CAPZB: variants seen among roughly 807,000 people sequenced by gnomAD.
CAPZB encodes the protein capping actin protein of muscle Z-line subunit beta, also known as F-actin-capping protein subunit beta.
A neutral mutation model predicts 38.1 loss-of-function variants in CAPZB; 2 were observed. The observed-to-expected ratio is 0.05, with a 90% CI of 0.02 to 0.17. The LOEUF (loss-of-function observed/expected upper bound fraction) is 0.17. CAPZB is among the 10% of genes least tolerant of loss of function. The pLI is 1.00. For missense variants in CAPZB, 161 were observed against 334.2 expected, an observed-to-expected ratio of 0.48 and a Z score of 4.04; for synonymous variants, 107 against 127.4, an observed-to-expected ratio of 0.84 and a Z score of 1.08.
intron 2 of CAPZB, among the ~76,000 whole-genome samples, chr1:19,401,179 C>T (rs1382046985): frequency 6.6e-6 from 1 of 151,360 alleles, no homozygotes; most frequent in African/African-American, 2.4e-5. Flanking sequence ...CTTAAATTTC[C>T]TACACATAGG....
intron 6 of CAPZB, among the ~76,000 whole-genome samples, chr1:19,349,948 A>G (rs1246156183): frequency 6.6e-6 from 1 of 152,220 alleles, no homozygotes; most frequent in East Asian, 1.9e-4. Flanking sequence ...CACTGCATAT[A>G]TTATTACATC....
chr1:19,472,176 G>A (rs758348713), intron 1 of CAPZB, among the ~76,000 whole-genome samples: 29 of 152,298 alleles, frequency 1.9e-4, no homozygotes, highest in Non-Finnish European at 3.5e-4. Flanking sequence ...AAGAAAATGC[G>A]AGGCCTGTTT....
chr1:19,472,203 A>C (rs922277452), intron 1 of CAPZB, among the ~76,000 whole-genome samples: 9 of 152,244 alleles, frequency 5.9e-5, no homozygotes, highest in Non-Finnish European at 1.2e-4. Context: ...AATATTACCT[A>C]GTGCAAAGTA....
chr1:19,442,113 C>G, intron 1 of CAPZB, among the ~76,000 whole-genome samples: 1 of 147,182 alleles, frequency 6.8e-6, no homozygotes, highest in Non-Finnish European at 1.5e-5. Context: ...CATCTTTAAA[C>G]CCTGTTTGTG....
intron 1 of CAPZB, among the ~76,000 whole-genome samples, chr1:19,461,847 A>G (rs1389814888): frequency 1.3e-5 from 2 of 152,238 alleles, no homozygotes; most frequent in African/African-American, 2.4e-5. Flanking sequence ...AACTAGGATA[A>G]TAACACCTAG....
intron 1 of CAPZB, among the ~76,000 whole-genome samples, chr1:19,475,560 G>A (rs908526747): frequency 2.0e-5 from 3 of 152,210 alleles, no homozygotes; most frequent in East Asian, 3.9e-4. Flanking sequence ...GCCCCATCTC[G>A]GGGGCAGACC....
chr1:19,453,216 G>A (rs1044428916), intron 1 of CAPZB, among the ~76,000 whole-genome samples: 1 of 151,958 alleles, frequency 6.6e-6, no homozygotes, highest in South Asian at 2.1e-4. Flanking sequence ...CGGTGTCACC[G>A]GGCCCCTGTG....
At chr1:19,451,908 G>C (rs148489712) in intron 1 of CAPZB, among the ~76,000 whole-genome samples, 1 of 152,052 alleles carries the variant, frequency 6.6e-6, no homozygotes, top group Admixed American at 6.5e-5. Flanking sequence ...ATAATGCTAT[G>C]AAGCAATTTT....
chr1:19,442,988 A>G (rs1002681239), intron 1 of CAPZB, among the ~76,000 whole-genome samples: 46 of 152,298 alleles, frequency 3.0e-4, no homozygotes, highest in African/African-American at 1.1e-3. Flanking sequence ...GAACACGTAG[A>G]TGTCTATCAC....
Position 19,431,249 on chromosome 1 carries a change from T to C in CAPZB, c.4-11499A>G, listed in dbSNP as rs988864885. ...CGAAGACATGAGGCTCCAACGAGCA[T>C]ATCAGACTTTCGGATTAGGAATGGT... On this transcript the variant is annotated intron_variant, in intron 1 of 8. Coordinates refer to ENST00000264202, the MANE Select transcript of CAPZB (RefSeq NM_004930.5). Among the ~76,000 whole-genome samples the C allele has an allele frequency of 1.3e-4, 20 of 152,334 alleles. No homozygotes were observed. The Middle Eastern group carries it at 0.01, about 78-fold the overall frequency.
intron 8 of CAPZB, chr1:19,342,777 G>A (rs1450915095): frequency 2.5e-6 from 4 of 1,611,450 alleles, no homozygotes; most frequent in South Asian, 1.1e-5. Flanking sequence ...TATCAGGCTG[G>A]ATGTAGATCT....
intron 2 of CAPZB, among the ~76,000 whole-genome samples, chr1:19,407,127 C>T (rs1311205347): frequency 1.3e-5 from 2 of 152,206 alleles, no homozygotes; most frequent in African/African-American, 4.8e-5. Context: ...TTCCCAAATA[C>T]ACCAAAACAG....
At chr1:19,349,661 C>G (rs2093981231) in intron 6 of CAPZB, among the ~76,000 whole-genome samples, 1 of 152,184 alleles carries the variant, frequency 6.6e-6, no homozygotes, top group Admixed American at 6.5e-5. Context: ...GAGGAGAGGG[C>G]TGGGTCTTGC....
At chr1:19,441,123 C>A (rs1472041613) in intron 1 of CAPZB, among the ~76,000 whole-genome samples, 3 of 152,160 alleles carry the variant, frequency 2.0e-5, no homozygotes, top group South Asian at 2.1e-4. Context: ...TGCAGAAAGT[C>A]CACGAAATTT....
At chr1:19,480,373 A>G (rs6662021) in intron 1 of CAPZB, among the ~76,000 whole-genome samples, 151,227 of 152,342 alleles carry the variant, frequency 0.99, 75,073 homozygotes, top group South Asian at 1. Flanking sequence ...AACTGAGACC[A>G]AGGGAATTAG....
At position 19,361,231 on chromosome 1, in the gene CAPZB, A is replaced by G. The variant is rs532892570; in HGVS notation, c.330-3668T>C. On this transcript the variant is annotated intron_variant, in intron 4 of 8. Coordinates refer to ENST00000264202, the MANE Select transcript of CAPZB (RefSeq NM_004930.5). ...GACAGAGTTAGAGGCGGCGTGGTCA[A>G]TCTCTCACTTCGAATCTGTTCCCTC... Among the ~76,000 whole-genome samples the G allele has an allele frequency of 2.0e-4, 31 of 152,352 alleles. No individual in the cohort carries two copies. In the East Asian group the frequency reaches 5.8e-3, roughly 28 times the overall value.
intron 1 of CAPZB, among the ~76,000 whole-genome samples, chr1:19,441,302 C>A (rs1050354779): frequency 1.3e-5 from 2 of 152,154 alleles, no homozygotes; most frequent in African/African-American, 4.8e-5. Context: ...CTGAGCACAA[C>A]AGGAGTCCGT....
intron 4 of CAPZB, among the ~76,000 whole-genome samples, chr1:19,359,196 G>C (rs944037510): frequency 7.4e-6 from 1 of 135,946 alleles, no homozygotes; most frequent in African/African-American, 2.7e-5. Context: ...GGGTATACAA[G>C]AATTCTCTGT....
At chr1:19,425,350 T>G (rs936161169) in intron 1 of CAPZB, among the ~76,000 whole-genome samples, 3 of 152,130 alleles carry the variant, frequency 2.0e-5, no homozygotes, top group Non-Finnish European at 4.4e-5. Context: ...ATTATGTGAG[T>G]GTTTCCTAGG....
Sources: gnomAD v4.1 joint callset for allele counts (sites outside exome capture counted in the v4.1 genomes callset) on GRCh38, gnomAD v4.1.1 for gene constraint, MANE v1.5 for transcripts, NCBI Gene and HGNC (gene_info 2026-07-23, HGNC 2026-07-21) for gene names.